The following ATP1B3 variants were observed in gnomAD, a reference collection of about 807,000 sequenced individuals.
ATP1B3 encodes the protein sodium/potassium-transporting ATPase subunit beta-3.
Under a neutral mutation model 30.2 loss-of-function variants are expected in ATP1B3, and 10 were observed. The ratio of observed to expected loss-of-function variants is 0.33; its 90% CI spans 0.20 to 0.56. The LOEUF is 0.56. Ranked by LOEUF, ATP1B3 falls within the 20% of genes least tolerant of loss-of-function variation. The pLI is 0.90. For missense variants in ATP1B3, 238 were observed against 336.7 expected, an observed-to-expected ratio of 0.71 and a Z score of 2.29; for synonymous variants, 113 against 117.0, an observed-to-expected ratio of 0.97 and a Z score of 0.22.
chr3:141,916,471 A>T, intron 5 of ATP1B3: 1 of 942,094 alleles, frequency 1.1e-6, no homozygotes, highest in South Asian at 1.4e-5. Context: ...CCCTATCCCT[A>T]CTTACTTTTT....
At chr3:141,906,469 T>G (rs1271027659) in intron 2 of ATP1B3, among the ~76,000 whole-genome samples, 1 of 152,224 alleles carries the variant, frequency 6.6e-6, no homozygotes. Context: ...TGTGAACCAC[T>G]GCACGCAGCT....
At chr3:141,899,252 T>A (rs879608107) in intron 1 of ATP1B3, among the ~76,000 whole-genome samples, 1 of 152,234 alleles carries the variant, frequency 6.6e-6, no homozygotes, top group Non-Finnish European at 1.5e-5. Flanking sequence ...TTTTAAAAAT[T>A]CAAATATACA....
chr3:141,909,324 G>A (rs1576397581), intron 3 of ATP1B3, among the ~76,000 whole-genome samples: 1 of 152,154 alleles, frequency 6.6e-6, no homozygotes, highest in African/African-American at 2.4e-5. Context: ...CTGCTTTGTG[G>A]CAGGCACTCA....
chr3:141,924,774 G>T (rs1012875871), intron 6 of ATP1B3, among the ~76,000 whole-genome samples: 2 of 152,002 alleles, frequency 1.3e-5, no homozygotes, highest in Admixed American at 1.3e-4. Context: ...GGCCAACATG[G>T]TGAAACCCCG....
At chr3:141,885,434 C>A (rs1333291163) in intron 1 of ATP1B3, among the ~76,000 whole-genome samples, 1 of 151,338 alleles carries the variant, frequency 6.6e-6, no homozygotes, top group South Asian at 2.1e-4. Context: ...TTTCTTTTTT[C>A]TTTTCTTTTC....
intron 1 of ATP1B3, among the ~76,000 whole-genome samples, chr3:141,889,588 C>A (rs916839224): frequency 1.3e-5 from 2 of 151,410 alleles, no homozygotes; most frequent in African/African-American, 4.9e-5. Context: ...ATTAGCTGGG[C>A]GTGGTGGCAG....
At chr3:141,915,593 GTTAA>G (rs1934447154) in intron 4 of ATP1B3, among the ~76,000 whole-genome samples, 1 of 152,144 alleles carries the variant, frequency 6.6e-6, no homozygotes. Context: ...GTGAAGAACA[GTTAA>G]TTATTATGCT....
At chr3:141,889,769 A>ATT in intron 1 of ATP1B3, among the ~76,000 whole-genome samples, 1 of 139,512 alleles carries the variant, frequency 7.2e-6, no homozygotes, top group African/African-American at 2.8e-5. Flanking sequence ...ACACACACAC[A>ATT]CACACACACA....
At chr3:141,902,086 T>C (rs2107771893) in intron 1 of ATP1B3, 1 of 1,250,148 alleles carries the variant, frequency 8.0e-7, no homozygotes, top group South Asian at 1.2e-5. Flanking sequence ...TTTCCCTCTA[T>C]AGCAAACTGT....
intron 3 of ATP1B3, among the ~76,000 whole-genome samples, chr3:141,908,448 T>C (rs1320510779): frequency 1.3e-5 from 2 of 152,336 alleles, no homozygotes; most frequent in East Asian, 3.9e-4. Context: ...GTCTTCCCTT[T>C]TATGTAGCTT....
At chr3:141,877,534 A>C (rs1433477995) in intron 1 of ATP1B3, 1 of 152,258 alleles carries the variant, frequency 6.6e-6, no homozygotes, top group Admixed American at 6.5e-5. Context: ...ATGCACTTGA[A>C]TTTGGACAGT....
intron 1 of ATP1B3, among the ~76,000 whole-genome samples, chr3:141,887,142 C>T (rs1242532286): frequency 6.6e-6 from 1 of 152,222 alleles, no homozygotes; most frequent in African/African-American, 2.4e-5. Flanking sequence ...TTGCTGACCA[C>T]ACGGTGTTTG....
rs533512901 is a variant in ATP1B3, at chr3:141,912,017, T to C, written c.347-1635T>C. ...ACAGAGTCTATGCAGTAGAAGCCCT[T>C]GGGGAAATTGGTGAAGGGCTTATTT... On this transcript the variant is annotated intron_variant, in intron 3 of 6. Coordinates refer to ENST00000286371, the MANE Select transcript of ATP1B3 (RefSeq NM_001679.4). Among the ~76,000 whole-genome samples the C allele has an allele frequency of 1.5e-3, 232 of 152,300 alleles. 1 individual carries two copies. Among genetic ancestry groups the C allele is most frequent in the African/African-American group, 5.4e-3 (224 of 41,564 alleles).
At chr3:141,893,521 T>G (rs1933999378) in intron 1 of ATP1B3, among the ~76,000 whole-genome samples, 1 of 152,192 alleles carries the variant, frequency 6.6e-6, no homozygotes, top group African/African-American at 2.4e-5. Flanking sequence ...ACTCCTTCTC[T>G]GTTAGCCCAC....
intron 1 of ATP1B3, chr3:141,902,210 C>A (rs1183913562): frequency 7.0e-6 from 9 of 1,289,102 alleles, no homozygotes; most frequent in Non-Finnish European, 9.1e-6. Context: ...TCCTCTCCAT[C>A]CTTATTTTGG....
At position 141,876,766 on chromosome 3, in the gene ATP1B3, G is replaced by A. The variant is rs1251353818; in HGVS notation, c.-36G>A. On this transcript the variant is annotated 5_prime_UTR_variant, in exon 1 of 7. Transcript: ENST00000286371. ...CGCAGCCCTCGCCGCCTCCATCCCC[G>A]CGGCCGCAGCTCCTCTCGCCGTCCG... 1 of 1,552,692 alleles carries A rather than the reference G, an allele frequency of 6.4e-7. No homozygotes were observed. Among genetic ancestry groups the A allele is most frequent in the South Asian group, 1.1e-5 (1 of 88,328 alleles).
chr3:141,919,792 A>C (rs1224918574), intron 5 of ATP1B3, among the ~76,000 whole-genome samples: 1 of 152,054 alleles, frequency 6.6e-6, no homozygotes, highest in Admixed American at 6.6e-5. Flanking sequence ...TAAAAAAATG[A>C]GCCTGACGTG....
intron 1 of ATP1B3, among the ~76,000 whole-genome samples, chr3:141,884,790 A>G (rs1056304016): frequency 6.6e-6 from 1 of 152,112 alleles, no homozygotes; most frequent in Non-Finnish European, 1.5e-5. Flanking sequence ...AGATATATAC[A>G]TATTATTAGT....
intron 2 of ATP1B3, among the ~76,000 whole-genome samples, chr3:141,905,058 C>T (rs1934239785): frequency 3.3e-5 from 5 of 152,150 alleles, no homozygotes; most frequent in Admixed American, 1.3e-4. Context: ...GGACATGACC[C>T]TTGTCCTCAG....
Sources: allele counts gnomAD v4.1 joint callset (sites outside exome capture counted in the v4.1 genomes callset), GRCh38; gene constraint gnomAD v4.1.1; transcripts MANE v1.5; gene names NCBI Gene and HGNC (gene_info 2026-07-23, HGNC 2026-07-21).